Variants in PAPPA2 observed in about 807,000 individuals in gnomAD.
PAPPA2 encodes pappalysin-2.
In PAPPA2, 86 loss-of-function variants were observed where a neutral mutation model predicts 176.4. The ratio of observed to expected loss-of-function variants is 0.49; its 90% CI spans 0.41 to 0.58. The LOEUF (loss-of-function observed/expected upper bound fraction) is 0.58, where lower values mean the gene tolerates loss of function less well. PAPPA2 is among the 20% of genes least tolerant of loss of function. The pLI, the probability that PAPPA2 is intolerant of heterozygous loss-of-function variation, is 0.00. For missense variants in PAPPA2, 2,073 were observed against 2,256.9 expected, an observed-to-expected ratio of 0.92 and a Z score of 1.65; for synonymous variants, 809 against 852.2, an observed-to-expected ratio of 0.95 and a Z score of 0.88.
At chr1:176,771,207 A>G (rs778778572) in intron 17 of PAPPA2, 27 bp downstream of exon 17, 6 of 1,597,790 alleles carry the variant, frequency 3.8e-6, no homozygotes, top group Non-Finnish European at 5.1e-6. Context: ...TGGTCTTTGG[A>G]GTTCTACCTA....
chr1:176,541,515 C>G (rs1650360723), intron 1 of PAPPA2, among the ~76,000 whole-genome samples: 2 of 152,172 alleles, frequency 1.3e-5, no homozygotes, highest in Admixed American at 6.5e-5. Flanking sequence ...CCCTAGCATC[C>G]TTGGGCAGGC....
At chr1:176,744,443 C>G (rs1354045504) in intron 14 of PAPPA2, among the ~76,000 whole-genome samples, 1 of 152,174 alleles carries the variant, frequency 6.6e-6, no homozygotes. Flanking sequence ...ATCCCATGAT[C>G]CTCAAACCTC....
intron 12 of PAPPA2, among the ~76,000 whole-genome samples, chr1:176,714,797 C>G (rs1661296320): frequency 6.6e-6 from 1 of 152,100 alleles, no homozygotes; most frequent in Admixed American, 6.5e-5. Context: ...AGAGACTCTT[C>G]TAAGGACCTA....
At chr1:176,573,696 T>A (rs2102617246) in intron 2 of PAPPA2, among the ~76,000 whole-genome samples, 1 of 152,326 alleles carries the variant, frequency 6.6e-6, no homozygotes, top group Non-Finnish European at 1.5e-5. Flanking sequence ...CGCTGAAATG[T>A]ACTGAGATAA....
chr1:176,486,099 A>G (rs1278181205), intron 1 of PAPPA2, among the ~76,000 whole-genome samples: 1 of 152,248 alleles, frequency 6.6e-6, no homozygotes, highest in Non-Finnish European at 1.5e-5. Context: ...GTGATGAATC[A>G]GTCTCTTCTT....
At chr1:176,515,530 A>C (rs955274476) in intron 1 of PAPPA2, among the ~76,000 whole-genome samples, 1 of 152,144 alleles carries the variant, frequency 6.6e-6, no homozygotes, top group African/African-American at 2.4e-5. Context: ...GCTTCCTGCC[A>C]AACCTAAACA....
At chr1:176,534,186 C>A (rs1196598743) in intron 1 of PAPPA2, among the ~76,000 whole-genome samples, 1 of 152,168 alleles carries the variant, frequency 6.6e-6, no homozygotes, top group Non-Finnish European at 1.5e-5. Context: ...GGAAAAGTAG[C>A]TTCTGTCAGA....
chr1:176,556,611 C>G lies in PAPPA2; in HGVS notation c.289C>G (p.Pro97Ala). ...QEIHHTGRSK[P>A]DTEGNAVSLV... The stretch of plus-strand genomic sequence containing the variant: ...AATCCATCATACAGGACGCAGCAAA[C>G]CAGACACTGAAGGAAATGCTGTGAG... The change falls in exon 2 of 23, where the codon CCA (proline) becomes GCA (alanine). Residue 97 changes from proline to alanine, a missense_variant. Around this residue, in one of 4 missense-constraint regions of PAPPA2, gnomAD observed 1,196 missense variants for 1,330.4 expected, o/e 0.90. Coordinates refer to ENST00000367662, the MANE Select transcript of PAPPA2 (RefSeq NM_020318.3). 6.2e-7 allele frequency: 1 copy of G among 1,614,198 alleles called. No homozygotes were observed. The highest frequency in any genetic ancestry group is 8.5e-7 in the Non-Finnish European group (1 of 1,180,040).
chr1:176,779,760 T>C (rs1664633628), intron 17 of PAPPA2, among the ~76,000 whole-genome samples: 1 of 152,186 alleles, frequency 6.6e-6, no homozygotes. Context: ...GTTAGAGATT[T>C]ATTAAGCACC....
chr1:176,692,073 G>A, intron 5 of PAPPA2, 53 bp from the exon 6 acceptor site: 2 of 1,513,044 alleles, frequency 1.3e-6, no homozygotes, highest in South Asian at 1.2e-5. Flanking sequence ...TGCCTTGGTG[G>A]ACTTGATGGG....
intron 1 of PAPPA2, among the ~76,000 whole-genome samples, chr1:176,515,133 A>G (rs1194117467): frequency 6.6e-6 from 1 of 152,248 alleles, no homozygotes; most frequent in African/African-American, 2.4e-5. Context: ...AAGAGTAATG[A>G]GAGTGCCAAT....
intron 8 of PAPPA2, among the ~76,000 whole-genome samples, chr1:176,701,051 TACACACACACACACACAC>T (rs374838543): frequency 6.7e-6 from 1 of 148,306 alleles, no homozygotes; most frequent in Non-Finnish European, 1.5e-5. Flanking sequence ...CACACACACA[TACACACACACACACACAC>T]ACACACACAT....
At chr1:176,760,803 G>GT (rs1451453538) in intron 14 of PAPPA2, among the ~76,000 whole-genome samples, 1 of 151,986 alleles carries the variant, frequency 6.6e-6, no homozygotes, top group Non-Finnish European at 1.5e-5. Context: ...CAAAAGCATG[G>GT]TTTTTTTGTT....
chr1:176,775,878 G>T (rs369302941), intron 17 of PAPPA2, among the ~76,000 whole-genome samples: 5 of 152,258 alleles, frequency 3.3e-5, no homozygotes, highest in African/African-American at 7.2e-5. Flanking sequence ...CAACACTTTT[G>T]CATGGTAGAT....
intron 3 of PAPPA2, among the ~76,000 whole-genome samples, chr1:176,626,764 G>A (rs1656046082): frequency 6.6e-6 from 1 of 152,138 alleles, no homozygotes; most frequent in Non-Finnish European, 1.5e-5. Context: ...GAGACTTGAT[G>A]TCCAGACAGC....
Position 176,508,119 on chromosome 1 carries a change from T to C in PAPPA2, c.-917+44701T>C, listed in dbSNP as rs546825329. Among the ~76,000 whole-genome samples, 3 of 152,230 alleles carry C rather than the reference T, an allele frequency of 2.0e-5. No individual in the cohort carries two copies. In the South Asian group the frequency reaches 6.2e-4, roughly 32 times the overall value. On this transcript the variant is annotated intron_variant, in intron 1 of 22. Coordinates refer to ENST00000367662, the MANE Select transcript of PAPPA2 (RefSeq NM_020318.3). The stretch of plus-strand genomic sequence containing the variant: ...AGCTTAAAAACAATCTTCAAAAAGA[T>C]CAAGCTGATCTTCCAGTAATGTAAT...
At chr1:176,773,188 A>G (rs1055862943) in intron 17 of PAPPA2, among the ~76,000 whole-genome samples, 5 of 152,194 alleles carry the variant, frequency 3.3e-5, no homozygotes, top group African/African-American at 1.2e-4. Flanking sequence ...CATTCTGAGG[A>G]AAGATTAAAT....
At chr1:176,763,470 T>C (rs2102903085) in intron 14 of PAPPA2, among the ~76,000 whole-genome samples, 1 of 152,302 alleles carries the variant, frequency 6.6e-6, no homozygotes, top group East Asian at 1.9e-4. Context: ...CCATTTGTCA[T>C]TATAAAATTT....
rs562852160 is a variant in PAPPA2 at position 176,600,644 on chromosome 1, C to T, written c.1991+5049C>T. Among the ~76,000 whole-genome samples, 7 of 141,282 alleles carry T rather than the reference C, an allele frequency of 5.0e-5. No homozygotes were observed. The East Asian group carries it at 1.4e-3, about 29-fold the overall frequency. The allele number at this position is 141,282 out of a possible 152,430, so 92.7% of individuals were successfully genotyped here. A position where few individuals can be genotyped will look rare whatever the true frequency, so the allele number is the denominator to read the frequency against. On this transcript the variant is annotated intron_variant, in intron 3 of 22. Coordinates refer to ENST00000367662, the MANE Select transcript of PAPPA2 (RefSeq NM_020318.3). ...TGAGCCGAGATCGCGCCACTGCACTCCAGCCTGGGCGACAGAGCGAGACTC... is the reference window on the plus strand; with the variant it reads ...TGAGCCGAGATCGCGCCACTGCACTTCAGCCTGGGCGACAGAGCGAGACTC...
Sources: allele counts gnomAD v4.1 joint callset (sites outside exome capture counted in the v4.1 genomes callset), GRCh38; gene constraint gnomAD v4.1.1; regional missense constraint gnomAD v4.1.1; transcripts MANE v1.5; gene names NCBI Gene and HGNC (gene_info 2026-07-23, HGNC 2026-07-21).